The following ARHGAP10 variants were observed in gnomAD, a reference collection of about 807,000 sequenced individuals.
ARHGAP10 encodes Rho GTPase activating protein 10.
Under a neutral mutation model 108.6 loss-of-function variants are expected in ARHGAP10, and 87 were observed. The observed-to-expected ratio is 0.80, with a 90% confidence interval of 0.67 to 0.96. The LOEUF (loss-of-function observed/expected upper bound fraction) is 0.96, where lower values mean the gene tolerates loss of function less well. Among genes scored for constraint, ARHGAP10 ranks in the 40% least tolerant of loss-of-function variants. The pLI is 0.00. For missense variants in ARHGAP10, 939 were observed against 954.5 expected, an observed-to-expected ratio of 0.98 and a Z score of 0.21; for synonymous variants, 347 against 341.1, an observed-to-expected ratio of 1.02 and a Z score of -0.19.
intron 18 of ARHGAP10, among the ~76,000 whole-genome samples, chr4:148,008,618 G>A (rs1741044146): frequency 6.6e-6 from 1 of 151,988 alleles, no homozygotes; most frequent in African/African-American, 2.4e-5. Flanking sequence ...GCCGTCAGCA[G>A]ATTAATGTAG....
At chr4:147,737,765 A>G (rs1336287362) in intron 1 of ARHGAP10, among the ~76,000 whole-genome samples, 2 of 152,208 alleles carry the variant, frequency 1.3e-5, no homozygotes. Flanking sequence ...GACTTGAGCC[A>G]GGGTGGGGAC....
At chr4:147,991,050 A>G (rs1240899300) in intron 18 of ARHGAP10, among the ~76,000 whole-genome samples, 2 of 151,614 alleles carry the variant, frequency 1.3e-5, no homozygotes, top group Admixed American at 6.6e-5. Context: ...ATTGTTTACT[A>G]TGCTTTTCAC....
chr4:147,783,268 T>C (rs1730639017), intron 1 of ARHGAP10, among the ~76,000 whole-genome samples: 1 of 144,998 alleles, frequency 6.9e-6, no homozygotes, highest in Non-Finnish European at 1.5e-5. Context: ...TTGTATAATT[T>C]ATATAACACA....
chr4:147,832,159 A>G (rs9996108), intron 3 of ARHGAP10, among the ~76,000 whole-genome samples: 16,778 of 151,968 alleles, frequency 0.11, 1,078 homozygotes, highest in African/African-American at 0.19. Context: ...TGTCTAATCC[A>G]GAGGAGTGAT....
intron 13 of ARHGAP10, among the ~76,000 whole-genome samples, chr4:147,918,103 A>G (rs1301480778): frequency 1.3e-5 from 2 of 151,924 alleles, no homozygotes; most frequent in Non-Finnish European, 1.5e-5. Context: ...TGGAGGCTGA[A>G]TAAGAAAAAT....
chr4:147,746,226 C>T (rs577690711), intron 1 of ARHGAP10, among the ~76,000 whole-genome samples: 8 of 152,022 alleles, frequency 5.3e-5, no homozygotes, highest in Admixed American at 2.0e-4. Context: ...GCCTCAGCCT[C>T]CCGAGTAGCT....
At chr4:148,021,614 C>A (rs1232099076) in intron 18 of ARHGAP10, among the ~76,000 whole-genome samples, 1 of 152,068 alleles carries the variant, frequency 6.6e-6, no homozygotes, top group East Asian at 1.9e-4. Flanking sequence ...GGCTTTTCTT[C>A]TCTCCTTCAC....
intron 14 of ARHGAP10, among the ~76,000 whole-genome samples, chr4:147,940,380 A>G (rs534085559): frequency 7.2e-5 from 11 of 152,340 alleles, no homozygotes; most frequent in African/African-American, 2.4e-4. Flanking sequence ...AGAACCATGC[A>G]TGCTCCATCT....
intron 9 of ARHGAP10, among the ~76,000 whole-genome samples, chr4:147,880,881 C>T (rs1366627703): frequency 1.5e-5 from 2 of 132,884 alleles, no homozygotes; most frequent in African/African-American, 5.8e-5. Flanking sequence ...TTTTTTGTGA[C>T]ATGTGGTAAG....
chr4:147,784,002 A>G (rs1486893782), intron 1 of ARHGAP10, among the ~76,000 whole-genome samples: 1 of 139,262 alleles, frequency 7.2e-6, no homozygotes, highest in Non-Finnish European at 1.5e-5. Flanking sequence ...TATATAACAC[A>G]TTAAATTATT....
intron 1 of ARHGAP10, among the ~76,000 whole-genome samples, chr4:147,784,713 AAATAT>A (rs1410906143): frequency 1.5e-5 from 1 of 68,888 alleles, no homozygotes; most frequent in African/African-American, 6.0e-5. Context: ...TATATATTAT[AAATAT>A]AATATATTAT....
At chr4:147,974,031 T>G (rs1238182756) in intron 18 of ARHGAP10, among the ~76,000 whole-genome samples, 1 of 152,194 alleles carries the variant, frequency 6.6e-6, no homozygotes, top group Non-Finnish European at 1.5e-5. Flanking sequence ...ATATACTGAT[T>G]TCCTTTCTTT....
intron 14 of ARHGAP10, among the ~76,000 whole-genome samples, chr4:147,943,236 C>G (rs1738227739): frequency 6.6e-6 from 1 of 152,126 alleles, no homozygotes; most frequent in African/African-American, 2.4e-5. Flanking sequence ...GTCTGGTGAG[C>G]TCAGTGGTTA....
intron 1 of ARHGAP10, among the ~76,000 whole-genome samples, chr4:147,766,818 A>T (rs1377202601): frequency 1.7e-4 from 2 of 11,798 alleles, no homozygotes; most frequent in Non-Finnish European, 1.9e-3. Context: ...ATATATATAT[A>T]TATATATATA....
chr4:148,055,486 C>T (rs181823929), intron 20 of ARHGAP10, among the ~76,000 whole-genome samples: 11 of 152,256 alleles, frequency 7.2e-5, no homozygotes, highest in Non-Finnish European at 1.3e-4. Context: ...GTCAGGAGTT[C>T]GAGAGCAGCC....
Position 147,857,674 on chromosome 4 carries a change from T to G in ARHGAP10, c.486+20T>G. 1 of 1,425,052 alleles carries G rather than the reference T, an allele frequency of 7.0e-7. No homozygotes were observed. Among genetic ancestry groups the G allele is most frequent in the East Asian group, 2.7e-5 (1 of 37,402 alleles). 88.3% of individuals were successfully genotyped at this position (1,425,052 alleles called of 1,614,324 possible). A position where few individuals can be genotyped will look rare whatever the true frequency, so the allele number is the denominator to read the frequency against. ...CAAGAGGTATAATTTTTTATTTTTC[T>G]GTTACGTTTTCAAAATTTGATAAGC... On this transcript the variant is annotated intron_variant, in intron 5 of 22. Transcript: ENST00000336498.
chr4:147,969,453 G>C (rs1739327082), intron 18 of ARHGAP10, among the ~76,000 whole-genome samples: 1 of 150,060 alleles, frequency 6.7e-6, no homozygotes, highest in Non-Finnish European at 1.5e-5. Flanking sequence ...GATGGCTACT[G>C]TTCATTTTTA....
intron 3 of ARHGAP10, among the ~76,000 whole-genome samples, chr4:147,825,699 A>T (rs1052322526): frequency 2.6e-5 from 4 of 152,202 alleles, no homozygotes; most frequent in Admixed American, 6.5e-5. Context: ...TAGTGCCATG[A>T]CATCACCTTT....
chr4:147,963,987 A>G (rs1225590255), intron 16 of ARHGAP10, among the ~76,000 whole-genome samples: 2 of 152,238 alleles, frequency 1.3e-5, no homozygotes, highest in Non-Finnish European at 2.9e-5. Flanking sequence ...GACATCTGCA[A>G]CAGCTCTCTT....
Sources: gnomAD v4.1 joint callset for allele counts (sites outside exome capture counted in the v4.1 genomes callset) on GRCh38, gnomAD v4.1.1 for gene constraint, MANE v1.5 for transcripts, NCBI Gene and HGNC (gene_info 2026-07-23, HGNC 2026-07-21) for gene names.